The following SYT16 variants were observed in gnomAD, a reference collection of about 807,000 sequenced individuals.
SYT16 encodes the protein synaptotagmin 16, also known as synaptotagmin-16.
SYT16 carries 42 observed loss-of-function variants against 61.4 expected under a neutral mutation model. That is an observed-to-expected ratio of 0.68 (90% CI 0.53 to 0.89). SYT16 has a LOEUF of 0.89. SYT16 is among the 40% of genes least tolerant of loss of function. SYT16 has a pLI of 0.00. For missense variants in SYT16, 804 were observed against 807.3 expected (o/e 1.00, Z 0.05); for synonymous variants, 314 against 302.3 (o/e 1.04, Z -0.40).
At chr14:62,075,754 T>C (rs2056474346) in intron 5 of SYT16, among the ~76,000 whole-genome samples, 1 of 152,206 alleles carries the variant, frequency 6.6e-6, no homozygotes, top group Non-Finnish European at 1.5e-5. Flanking sequence ...ACTGGTTTAT[T>C]TACTTCATGG....
intron 1 of SYT16, among the ~76,000 whole-genome samples, chr14:61,864,671 C>A (rs1039830305): frequency 6.6e-6 from 1 of 152,238 alleles, no homozygotes; most frequent in Non-Finnish European, 1.5e-5. Flanking sequence ...CCCTTTTATG[C>A]CGGTCCCTAC....
intron 7 of SYT16, among the ~76,000 whole-genome samples, chr14:62,096,619 A>G (rs1239733641): frequency 6.6e-6 from 1 of 152,260 alleles, no homozygotes; most frequent in Middle Eastern, 3.4e-3. Flanking sequence ...AAATTTTCTA[A>G]TGTGCAAAAT....
chr14:61,978,878 T>C (rs968652479), intron 2 of SYT16, among the ~76,000 whole-genome samples: 36 of 152,206 alleles, frequency 2.4e-4, no homozygotes, highest in African/African-American at 8.7e-4. Flanking sequence ...GCACAGGGAA[T>C]AAAAAATAAG....
At chr14:61,816,497 G>T (rs868543323) in intron 1 of SYT16, among the ~76,000 whole-genome samples, 1 of 152,050 alleles carries the variant, frequency 6.6e-6, no homozygotes, top group Non-Finnish European at 1.5e-5. Context: ...TACAAATGAT[G>T]CCAACTAAAA....
chr14:62,059,630 C>T (rs1362306702), intron 3 of SYT16, among the ~76,000 whole-genome samples: 2 of 149,210 alleles, frequency 1.3e-5, no homozygotes, highest in Non-Finnish European at 3.0e-5. Context: ...TAAAGTTTTA[C>T]AGTTAGATTT....
chr14:62,066,929 T>C (rs2056083777), intron 3 of SYT16, among the ~76,000 whole-genome samples: 1 of 152,160 alleles, frequency 6.6e-6, no homozygotes, highest in Non-Finnish European at 1.5e-5. Flanking sequence ...CAGAAAATTG[T>C]TTCACAGCAC....
chr14:61,938,332 C>T (rs1267484394), intron 1 of SYT16, among the ~76,000 whole-genome samples: 4 of 151,936 alleles, frequency 2.6e-5, no homozygotes, highest in Non-Finnish European at 2.9e-5. Context: ...CCTTCAAGGG[C>T]TTCACAAAGT....
At chr14:61,876,324 T>C (rs2047491000) in intron 1 of SYT16, among the ~76,000 whole-genome samples, 1 of 152,248 alleles carries the variant, frequency 6.6e-6, no homozygotes, top group Non-Finnish European at 1.5e-5. Flanking sequence ...GCACTCACGC[T>C]GAAATGTGCA....
chr14:62,036,106 A>G (rs2054496159), intron 3 of SYT16, among the ~76,000 whole-genome samples: 1 of 152,188 alleles, frequency 6.6e-6, no homozygotes, highest in African/African-American at 2.4e-5. Context: ...AGGGGTAAGC[A>G]CAGGGCGTAG....
chr14:62,022,909 A>C (rs996861925), intron 3 of SYT16, among the ~76,000 whole-genome samples: 1 of 152,136 alleles, frequency 6.6e-6, no homozygotes, highest in Non-Finnish European at 1.5e-5. Context: ...TCCCCTTATA[A>C]ACAGATTCTA....
At chr14:61,845,471 A>G (rs998809995) in intron 1 of SYT16, among the ~76,000 whole-genome samples, 3 of 152,166 alleles carry the variant, frequency 2.0e-5, no homozygotes, top group African/African-American at 7.2e-5. Context: ...AGATGTTTCA[A>G]TTTATTGGCA....
intron 3 of SYT16, among the ~76,000 whole-genome samples, chr14:62,068,905 C>T (rs1465535552): frequency 6.6e-6 from 1 of 152,132 alleles, no homozygotes; most frequent in African/African-American, 2.4e-5. Context: ...AAGTGATTCT[C>T]CTGTCTCAGC....
chr14:62,096,646 T>C (rs2057284446), intron 7 of SYT16, among the ~76,000 whole-genome samples: 1 of 152,086 alleles, frequency 6.6e-6, no homozygotes, highest in Non-Finnish European at 1.5e-5. Context: ...AAATATATTT[T>C]GGACACCTCT....
intron 3 of SYT16, among the ~76,000 whole-genome samples, chr14:62,017,422 T>C (rs2053733376): frequency 6.6e-6 from 1 of 152,222 alleles, no homozygotes; most frequent in Non-Finnish European, 1.5e-5. Context: ...CATATGCTTA[T>C]AACTCTGCTT....
In SYT16 at chr14:62,105,634, T is replaced by A. The variant is rs1595425090; in HGVS notation, c.*4927T>A. ...TTGTTGATATAATAGCGCATCCACTTGTTCTCAAGTGATTCAAACCTTGAG... is the reference window on the plus strand; with the variant it reads ...TTGTTGATATAATAGCGCATCCACTAGTTCTCAAGTGATTCAAACCTTGAG... On this transcript the variant is annotated 3_prime_UTR_variant, in exon 8 of 8. Coordinates refer to ENST00000683842, the MANE Select transcript of SYT16 (RefSeq NM_001367656.1). 6.6e-6 allele frequency: 1 copy of A among 152,330 alleles called. No individual in the cohort carries two copies. The highest frequency in any genetic ancestry group is 1.9e-4 in the East Asian group (1 of 5,184). The allele number at this position is 152,330 out of a possible 1,614,324, so 9.4% of individuals were successfully genotyped here. A position where few individuals can be genotyped will look rare whatever the true frequency, so the allele number is the denominator to read the frequency against.
At chr14:61,822,012 A>G (rs991390674) in intron 1 of SYT16, among the ~76,000 whole-genome samples, 1 of 152,232 alleles carries the variant, frequency 6.6e-6, no homozygotes, top group Admixed American at 6.5e-5. Context: ...GGCTAACACG[A>G]TCACAAAGGT....
At chr14:62,010,199 T>C (rs1201834985) in intron 3 of SYT16, among the ~76,000 whole-genome samples, 1 of 152,216 alleles carries the variant, frequency 6.6e-6, no homozygotes, top group African/African-American at 2.4e-5. Context: ...TATAGGTAAC[T>C]GATGAAGCAG....
intron 3 of SYT16, among the ~76,000 whole-genome samples, chr14:62,032,006 G>C (rs1287589198): frequency 6.6e-6 from 1 of 152,122 alleles, no homozygotes; most frequent in African/African-American, 2.4e-5. Flanking sequence ...AAAAATGGAA[G>C]GGAATTTAAT....
At chr14:61,982,429 T>G (rs1317697548) in intron 2 of SYT16, among the ~76,000 whole-genome samples, 1 of 152,112 alleles carries the variant, frequency 6.6e-6, no homozygotes, top group African/African-American at 2.4e-5. Context: ...GCAGGCAAGA[T>G]AGAGAGAATG....
Sources: allele counts gnomAD v4.1 joint callset (sites outside exome capture counted in the v4.1 genomes callset), GRCh38; gene constraint gnomAD v4.1.1; transcripts MANE v1.5; gene names NCBI Gene and HGNC (gene_info 2026-07-23, HGNC 2026-07-21).